PPM1J: variants seen among roughly 807,000 people sequenced by gnomAD.
PPM1J encodes protein phosphatase, Mg2+/Mn2+ dependent 1J, also known as protein phosphatase 1J.
PPM1J carries 43 observed loss-of-function variants against 53.3 expected under a neutral mutation model. The ratio of observed to expected loss-of-function variants is 0.81; its 90% confidence interval spans 0.63 to 1.04. The LOEUF (loss-of-function observed/expected upper bound fraction) is 1.04. Ranked by LOEUF, PPM1J falls within the 50% of genes least tolerant of loss-of-function variation. PPM1J has a pLI of 0.00. For synonymous variants in PPM1J, 267 were observed against 286.4 expected, an observed-to-expected ratio of 0.93 and a Z score of 0.68; for missense variants, 635 against 685.9, an observed-to-expected ratio of 0.93 and a Z score of 0.83.
intron 1 of PPM1J, chr1:112,714,562 G>T: frequency 1.0e-6 from 1 of 1,003,062 alleles, no homozygotes; most frequent in Non-Finnish European, 1.2e-6. Flanking sequence ...CCGGGAAGCG[G>T]GTGAGCGAGT....
intron 1 of PPM1J, chr1:112,714,262 A>C: frequency 1.0e-6 from 1 of 985,782 alleles, no homozygotes; most frequent in Non-Finnish European, 1.2e-6. Flanking sequence ...CACCTTCCTC[A>C]GCGAACTGAG....
intron 2 of PPM1J, 122 bp downstream of exon 2, chr1:112,713,375 T>G (rs1048654696): frequency 7.8e-5 from 55 of 701,644 alleles, no homozygotes; most frequent in Non-Finnish European, 1.4e-4. Flanking sequence ...AAAGGTTCTG[T>G]GCCAGAAGGT....
chr1:112,712,303 G>C (rs1255873587), intron 4 of PPM1J, 42 bp downstream of exon 4: 1 of 1,432,330 alleles, frequency 7.0e-7, no homozygotes, highest in Non-Finnish European at 9.6e-7. Context: ...AACTCAGAGA[G>C]TGTGGCCCTC....
At chr1:112,712,147 CT>C in intron 4 of PPM1J, 92 bp from the exon 5 acceptor site, 1 of 1,134,744 alleles carries the variant, frequency 8.8e-7, no homozygotes, top group Admixed American at 2.3e-5. Context: ...CCATAATGAC[CT>C]TTCAGATCTC....
chr1:112,714,360 G>A (rs1398861492), intron 1 of PPM1J: 1 of 985,448 alleles, frequency 1.0e-6, no homozygotes, highest in Non-Finnish European at 1.2e-6. Flanking sequence ...CTCCGGGCAG[G>A]GGGTCCGCTT....
chr1:112,714,746 G>T, intron 1 of PPM1J: 1 of 1,256,558 alleles, frequency 8.0e-7, no homozygotes, highest in Non-Finnish European at 1.0e-6. Flanking sequence ...GCGTGGGCGA[G>T]GGCAGTCAAT....
rs758017491 is a variant in PPM1J, at chr1:112,712,789, G to T, written c.684C>A (p.His228Gln). Residue 228 changes from histidine to glutamine, a missense_variant, in exon 3 of 10, where the codon CAC becomes CAA. By Grantham distance (24) the His-to-Gln change is conservative. Coordinates refer to ENST00000309276, the MANE Select transcript of PPM1J (RefSeq NM_005167.7). Reference sequence around the variant, plus strand: ...CAACGGCCCCCACTACCAGGCTCTCGTGGCTCACTTCCTTCTGTGAAGACC... The same window carrying T: ...CAACGGCCCCCACTACCAGGCTCTCTTGGCTCACTTCCTTCTGTGAAGACC... ...SCWSSQKEVSHESLVVGAVEN... is the reference protein window; with the variant it reads ...SCWSSQKEVSQESLVVGAVEN... 2 of 1,612,740 alleles carry T rather than the reference G, an allele frequency of 1.2e-6. No individual in the cohort carries two copies. Among genetic ancestry groups the T allele is most frequent in the Non-Finnish European group, 1.7e-6 (2 of 1,179,950 alleles).
chr1:112,710,121 G>T lies in PPM1J; in HGVS notation c.*42C>A, dbSNP rs1675021547. 6.6e-7 allele frequency: 1 copy of T among 1,508,540 alleles called. No homozygotes were observed. The highest frequency in any genetic ancestry group is 8.8e-7 in the Non-Finnish European group (1 of 1,131,088). 93.4% of individuals were successfully genotyped at this position (1,508,540 alleles called of 1,614,324 possible). ...CTTCAGAATTTGGGCTGTGAGAGGA[G>T]TAAGTATGGAGAGGCTAGTGGGAGG... On this transcript the variant is annotated 3_prime_UTR_variant, in exon 10 of 10. Transcript: ENST00000309276.
chr1:112,712,418 C>G lies in PPM1J; in HGVS notation c.769G>C (p.Glu257Gln). 6.2e-7 allele frequency: 1 copy of G among 1,614,090 alleles called. No homozygotes were observed. Among genetic ancestry groups the G allele is most frequent in the South Asian group, 1.1e-5 (1 of 91,084 alleles). The stretch of plus-strand genomic sequence containing the variant: ...ACAACCAGTGCACAGCAGCCCCCCT[C>G]CACTTGGTGGCCACGCCGCTCCCGG... ...MARERRGHQV[E>Q]GGCCALVVIY... is the part of the protein sequence containing the mutation. Residue 257 changes from glutamate (E) to glutamine (Q), a missense_variant, in exon 4 of 10, where the codon GAG (glutamate) becomes CAG (glutamine). Physicochemically the swap from Glu to Gln is conservative, Grantham distance 29. Transcript: ENST00000309276.
Position 112,714,366 on chromosome 1 carries a change from C to T in PPM1J, c.326+610G>A, listed in dbSNP as rs1465345174. 4 of 985,590 alleles carry T rather than the reference C, an allele frequency of 4.1e-6. 1 individual carries two copies. The African/African-American group carries it at 7.0e-5, about 17-fold the overall frequency. The allele number at this position is 985,590 out of a possible 1,614,324, so 61.1% of individuals were successfully genotyped here. A position where few individuals can be genotyped will look rare whatever the true frequency, so the allele number is the denominator to read the frequency against. On this transcript the variant is annotated intron_variant, in intron 1 of 9. Transcript: ENST00000309276. ...AGCCGGCCGCTCCGGGCAGGGGGTC[C>T]GCTTCTTTGCCAGGCCAGCACGAGT...
At chr1:112,714,638 G>C (rs1377636709) in intron 1 of PPM1J, 2 of 1,153,380 alleles carry the variant, frequency 1.7e-6, no homozygotes, top group East Asian at 8.3e-5. Context: ...TTTTCCCTTA[G>C]CCTTTAAGCT....
At position 112,715,047 on chromosome 1, in the gene PPM1J, G is replaced by A. The variant is rs781201282; in HGVS notation, c.255C>T (p.Asp85=). 9.8e-6 allele frequency: 15 copies of A among 1,534,902 alleles called. No individual in the cohort carries two copies. The highest frequency in any genetic ancestry group is 1.3e-5 in the Non-Finnish European group (15 of 1,149,722). Residue 85 remains aspartate (D), a synonymous_variant, in exon 1 of 10, where the codon GAC becomes GAT. Transcript: ENST00000309276. The surrounding 1 kb of genome is among the most constrained non-coding windows in gnomAD (Gnocchi z 4.4). Reference sequence around the variant, plus strand: ...GGCTTTGCACAGCCCGGCCCGCGTGGTCATCGGCGCGTCGCAGCCCCCCGG... The same window carrying A: ...GGCTTTGCACAGCCCGGCCCGCGTGATCATCGGCGCGTCGCAGCCCCCCGG... ...LSPGGLRRAD[D]HAGRAVQSPP...
intron 4 of PPM1J, 112 bp from the exon 5 acceptor site, chr1:112,712,167 A>T (rs1675078869): frequency 1.1e-5 from 11 of 1,020,694 alleles, no homozygotes; most frequent in Non-Finnish European, 1.4e-5. Flanking sequence ...TCTTACCCAG[A>T]CCCCCATATC....
chr1:112,713,098 T>TG, intron 2 of PPM1J, 67 bp from the exon 3 acceptor site: 2 of 769,312 alleles, frequency 2.6e-6, no homozygotes, highest in Non-Finnish European at 3.6e-6. Flanking sequence ...GTGTGTGTGT[T>TG]ATGCAAGGTG....
In PPM1J at chr1:112,710,779, G is replaced by A. The variant is rs1352528420; in HGVS notation, c.1183C>T (p.Leu395=). The A allele has an allele frequency of 1.9e-6, 3 of 1,614,110 alleles. No homozygotes were observed. Among genetic ancestry groups the A allele is most frequent in the East Asian group, 2.2e-5 (1 of 44,886 alleles). The change falls in exon 8 of 10, where the codon CTG becomes TTG. Residue 395 remains leucine, a synonymous_variant. Transcript: ENST00000309276. ...CAGGAGAGAAAGGGCTTGATGGGCAGGGTGGAACTGCAGACCTTAAGGCTG... is the reference window on the plus strand; with the variant it reads ...CAGGAGAGAAAGGGCTTGATGGGCAAGGTGGAACTGCAGACCTTAAGGCTG... ...DHSLKVCSST[L]PIKPFLSCFP...
rs1040804298 is a variant in PPM1J, at chr1:112,714,341, A to G, written c.326+635T>C. 1.3e-5 allele frequency: 13 copies of G among 985,420 alleles called. No individual in the cohort carries two copies. The Admixed American group carries it at 1.8e-4, about 14-fold the overall frequency. The allele number at this position is 985,420 out of a possible 1,614,324, so 61.0% of individuals were successfully genotyped here. On this transcript the variant is annotated intron_variant, in intron 1 of 9. Transcript: ENST00000309276. Reference sequence around the variant, plus strand: ...TTAAAATACACACAGCCCGGGGGCCAGCCGGCCGCTCCGGGCAGGGGGTCC... The same window carrying G: ...TTAAAATACACACAGCCCGGGGGCCGGCCGGCCGCTCCGGGCAGGGGGTCC...
chr1:112,710,599 C>A lies in PPM1J; in HGVS notation c.1231G>T (p.Asp411Tyr). 1 of 1,614,124 alleles carries A rather than the reference C, an allele frequency of 6.2e-7. No individual in the cohort carries two copies. The highest frequency in any genetic ancestry group is 1.1e-5 in the South Asian group (1 of 91,078). ...GGGCAGTGCTCATATTGTGTCAGGT[C>A]ATACACTCGTACCTGGTGGGAGAAA... The part of the protein sequence containing the change: ...LSCFPEVRVY[D>Y]LTQYEHCPDD... Residue 411 changes from aspartate to tyrosine, a missense_variant, in exon 9 of 10, where the codon GAC (aspartate) becomes TAC (tyrosine). Asp to Tyr is a radical substitution (Grantham distance 160). Coordinates refer to ENST00000309276, the MANE Select transcript of PPM1J (RefSeq NM_005167.7).
chr1:112,712,312 T>G (rs1275798173), intron 4 of PPM1J, 33 bp downstream of exon 4: 7 of 1,503,582 alleles, frequency 4.7e-6, no homozygotes, highest in Non-Finnish European at 6.4e-6. Context: ...AGTGTGGCCC[T>G]CTGTCGCCAC....
Position 112,712,940 on chromosome 1 carries a change from C to G in PPM1J, c.533G>C (p.Arg178Pro), listed in dbSNP as rs747225022. 1.5e-5 allele frequency: 25 copies of G among 1,613,814 alleles called. No individual in the cohort carries two copies. The highest frequency in any genetic ancestry group is 2.2e-5 in the East Asian group (1 of 44,900). The change falls in exon 3 of 10, where the codon CGA (arginine) becomes CCA (proline). Residue 178 changes from arginine to proline, a missense_variant. By Grantham distance (103) the Arg-to-Pro change is moderately radical. Coordinates refer to ENST00000309276, the MANE Select transcript of PPM1J (RefSeq NM_005167.7). ...CTCTACCAGGTCCTTTAGCTGCTCT[C>G]GGATATGGCGATGCAGGAGCCGTGA... ...MASRLLHRHI[R>P]EQLKDLVEIL...
Sources: allele counts gnomAD v4.1 joint callset, GRCh38; gene constraint gnomAD v4.1.1; non-coding constraint Gnocchi (gnomAD v3.1); transcripts MANE v1.5; gene names NCBI Gene and HGNC (gene_info 2026-07-23, HGNC 2026-07-21).